Variants in BTBD7 observed in about 807,000 individuals in gnomAD.
The protein encoded by BTBD7 is BTB/POZ domain-containing protein 7.
In BTBD7, 38 loss-of-function variants were observed where a neutral mutation model predicts 99.9. That is an observed-to-expected ratio of 0.38 (90% confidence interval 0.29 to 0.50). BTBD7 has a LOEUF of 0.50. BTBD7 is among the 20% of genes least tolerant of loss of function. The probability of loss-of-function intolerance (pLI) is 0.93; values close to 1 mark genes in which losing one functional copy is unlikely to be tolerated. For missense variants in BTBD7, 1,170 were observed against 1,394.6 expected, an observed-to-expected ratio of 0.84 and a Z score of 2.57; for synonymous variants, 520 against 511.4, an observed-to-expected ratio of 1.02 and a Z score of -0.23.
intron 4 of BTBD7, among the ~76,000 whole-genome samples, chr14:93,262,533 G>A (rs1566840391): frequency 1.3e-5 from 2 of 152,018 alleles, no homozygotes; most frequent in Non-Finnish European, 2.9e-5. Context: ...CTATATAGCT[G>A]CCTTAAATTC....
intron 6 of BTBD7, among the ~76,000 whole-genome samples, chr14:93,254,234 G>C (rs965424471): frequency 5.3e-5 from 8 of 152,152 alleles, no homozygotes; most frequent in African/African-American, 1.9e-4. Context: ...ACCGTGCCCG[G>C]TGAAATACCT....
At chr14:93,322,530 A>G (rs2053281480) in intron 1 of BTBD7, among the ~76,000 whole-genome samples, 1 of 152,224 alleles carries the variant, frequency 6.6e-6, no homozygotes, top group Non-Finnish European at 1.5e-5. Context: ...AATAAAGAAC[A>G]CATAAAAAAT....
intron 3 of BTBD7, among the ~76,000 whole-genome samples, chr14:93,265,593 T>C (rs1438537086): frequency 6.6e-6 from 1 of 152,232 alleles, no homozygotes; most frequent in Non-Finnish European, 1.5e-5. Context: ...ATTAACTTGA[T>C]GCGTGGAGTG....
chr14:93,318,200 CATT>C (rs1439934953), intron 1 of BTBD7, among the ~76,000 whole-genome samples: 1 of 152,156 alleles, frequency 6.6e-6, no homozygotes, highest in Non-Finnish European at 1.5e-5. Flanking sequence ...CCCAAAATGA[CATT>C]ATATTGTTTT....
intron 1 of BTBD7, among the ~76,000 whole-genome samples, chr14:93,297,963 T>G (rs899454550): frequency 6.6e-6 from 1 of 152,240 alleles, no homozygotes; most frequent in Admixed American, 6.5e-5. Flanking sequence ...GTGAAAATCA[T>G]GCTGAAGTGT....
chr14:93,276,892 ATTTTTTTTTTT>A (rs549579457), intron 3 of BTBD7, among the ~76,000 whole-genome samples: 3 of 80,370 alleles, frequency 3.7e-5, no homozygotes, highest in South Asian at 5.1e-4. Context: ...ACACAGATTA[ATTTTTTTTTTT>A]TTTTTTTTTT....
At chr14:93,296,390 ATATC>A (rs1423579784) in intron 1 of BTBD7, among the ~76,000 whole-genome samples, 6 of 152,242 alleles carry the variant, frequency 3.9e-5, no homozygotes, top group African/African-American at 1.4e-4. Context: ...AAAAAGTAAC[ATATC>A]AAACCAATTT....
intron 1 of BTBD7, 68 bp downstream of exon 1, chr14:93,332,752 C>T (rs940649516): frequency 2.1e-6 from 3 of 1,437,566 alleles, no homozygotes; most frequent in African/African-American, 3.0e-5. Flanking sequence ...CTTCCTCTCC[C>T]GGACGCCCCG....
intron 3 of BTBD7, among the ~76,000 whole-genome samples, chr14:93,285,719 A>AGC (rs1252321461): frequency 2.6e-5 from 4 of 152,236 alleles, no homozygotes; most frequent in Admixed American, 6.5e-5. Context: ...GGTCATTATG[A>AGC]AAAGTCAAAG....
At chr14:93,331,754 G>A (rs1467818414) in intron 1 of BTBD7, among the ~76,000 whole-genome samples, 1 of 152,086 alleles carries the variant, frequency 6.6e-6, no homozygotes, top group Non-Finnish European at 1.5e-5. Context: ...GGCAGCGGGC[G>A]CCTGTAATCC....
At chr14:93,304,980 C>G (rs2053053870) in intron 1 of BTBD7, among the ~76,000 whole-genome samples, 1 of 152,154 alleles carries the variant, frequency 6.6e-6, no homozygotes, top group Non-Finnish European at 1.5e-5. Flanking sequence ...TCATCCAGGG[C>G]AGTCTTCATG....
chr14:93,268,843 C>T (rs1440575232), intron 3 of BTBD7, among the ~76,000 whole-genome samples: 1 of 151,110 alleles, frequency 6.6e-6, no homozygotes, highest in Non-Finnish European at 1.5e-5. Flanking sequence ...ACTACAACCA[C>T]CACCTCCTGG....
chr14:93,238,799 A>G lies in BTBD7; in HGVS notation c.*3474T>C, dbSNP rs941043065. On this transcript the variant is annotated 3_prime_UTR_variant, in exon 11 of 11. Coordinates refer to ENST00000334746, the MANE Select transcript of BTBD7 (RefSeq NM_001002860.4). ...CGCGTGTTTCCAATTTGCCTTCTGC[A>G]TCGGCACCTTAATGCAGATGTACAA... The G allele has an allele frequency of 6.6e-6, 1 of 152,246 alleles. No individual in the cohort carries two copies. The allele number at this position is 152,246 out of a possible 1,614,324, so 9.4% of individuals were successfully genotyped here. A position where few individuals can be genotyped will look rare whatever the true frequency, so the allele number is the denominator to read the frequency against.
chr14:93,286,956 G>T (rs1455338710), intron 3 of BTBD7, among the ~76,000 whole-genome samples: 2 of 151,304 alleles, frequency 1.3e-5, no homozygotes, highest in Admixed American at 6.6e-5. Flanking sequence ...GTTAATTCTG[G>T]GCCAGGCATG....
intron 1 of BTBD7, among the ~76,000 whole-genome samples, chr14:93,311,508 T>C (rs2053137578): frequency 6.6e-6 from 1 of 152,214 alleles, no homozygotes; most frequent in East Asian, 1.9e-4. Context: ...CATAAACATG[T>C]ACATAGATAC....
Position 93,261,622 on chromosome 14 carries a change from A to G in BTBD7, c.1427T>C (p.Met476Thr), listed in dbSNP as rs1249318625. 2.5e-6 allele frequency: 4 copies of G among 1,611,958 alleles called. No homozygotes were observed. In the African/African-American group the frequency reaches 5.3e-5, roughly 22 times the overall value. The change falls in exon 5 of 11, where the codon ATG (methionine) becomes ACG (threonine). Residue 476 changes from methionine to threonine, a missense_variant. Transcript: ENST00000334746. ...YLIKWGEHQL[M>T]KRIADREPNL... is the part of the protein sequence containing the mutation. The stretch of plus-strand genomic sequence containing the variant: ...CTTACCTCTATCTGCTATTCTTTTC[A>G]TCAACTGATGCTCTCCCCATTTAAT...
chr14:93,242,046 C>A lies in BTBD7; in HGVS notation c.*227G>T. On this transcript the variant is annotated 3_prime_UTR_variant, in exon 11 of 11. Transcript: ENST00000334746. ...CCTGCTTGTTCTTAAAAATGCCTCC[C>A]GACATAATTGTTCAAAGACAAATTA... 2 of 500,158 alleles carry A rather than the reference C, an allele frequency of 4.0e-6. No homozygotes were observed. The highest frequency in any genetic ancestry group is 4.3e-5 in the South Asian group (1 of 23,386). 31.0% of individuals were successfully genotyped at this position (500,158 alleles called of 1,614,324 possible).
chr14:93,292,080 A>T (rs1023883650), intron 3 of BTBD7, among the ~76,000 whole-genome samples: 4 of 152,086 alleles, frequency 2.6e-5, no homozygotes, highest in African/African-American at 9.7e-5. Context: ...CCAGCTACTC[A>T]AGAGGCTGAG....
rs901264778 is a variant in BTBD7 at position 93,241,996 on chromosome 14, T to C, written c.*277A>G. 1.6e-5 allele frequency: 7 copies of C among 444,888 alleles called. No homozygotes were observed. The highest frequency in any genetic ancestry group is 1.2e-4 in the African/African-American group (6 of 50,486). 27.6% of individuals were successfully genotyped at this position (444,888 alleles called of 1,614,324 possible). ...ACAAGTGCAAAAAAATTCCATCATTTGTAAAGAGAAATAAAAAGTGCCAGC... is the reference window on the plus strand; with the variant it reads ...ACAAGTGCAAAAAAATTCCATCATTCGTAAAGAGAAATAAAAAGTGCCAGC... On this transcript the variant is annotated 3_prime_UTR_variant, in exon 11 of 11. Coordinates refer to ENST00000334746, the MANE Select transcript of BTBD7 (RefSeq NM_001002860.4).
Sources: allele counts gnomAD v4.1 joint callset (sites outside exome capture counted in the v4.1 genomes callset), GRCh38; gene constraint gnomAD v4.1.1; transcripts MANE v1.5; gene names NCBI Gene and HGNC (gene_info 2026-07-23, HGNC 2026-07-21).